Variants in PIK3C2A observed in about 807,000 individuals in gnomAD.
PIK3C2A encodes phosphatidylinositol 4-phosphate 3-kinase C2 domain-containing subunit alpha.
A neutral mutation model predicts 204.5 loss-of-function variants in PIK3C2A; 97 were observed. That is an observed-to-expected ratio of 0.47 (90% CI 0.40 to 0.56). PIK3C2A has a LOEUF of 0.56. PIK3C2A is among the 20% of genes least tolerant of loss of function. The pLI is 0.00. For missense variants in PIK3C2A, 1,735 were observed against 1,969.2 expected, an observed-to-expected ratio of 0.88 and a Z score of 2.25; for synonymous variants, 653 against 664.4, an observed-to-expected ratio of 0.98 and a Z score of 0.26.
intron 8 of PIK3C2A, among the ~76,000 whole-genome samples, chr11:17,144,652 T>C (rs1850169976): frequency 6.6e-6 from 1 of 152,084 alleles, no homozygotes; most frequent in Non-Finnish European, 1.5e-5. Flanking sequence ...CCTAGCACTT[T>C]AGATGGCCAA....
At chr11:17,096,521 CA>C (rs993230056) in intron 27 of PIK3C2A, among the ~76,000 whole-genome samples, 1 of 151,852 alleles carries the variant, frequency 6.6e-6, no homozygotes, top group South Asian at 2.1e-4. Flanking sequence ...AATAAACACA[CA>C]AAAAGATACT....
In PIK3C2A at chr11:17,097,215, T is replaced by G; in HGVS notation, c.4168A>C (p.Ile1390Leu). The G allele has an allele frequency of 6.2e-7, 1 of 1,613,912 alleles. No homozygotes were observed. Among genetic ancestry groups the G allele is most frequent in the Non-Finnish European group, 8.5e-7 (1 of 1,179,834 alleles). The change falls in exon 27 of 33, where the codon ATT (isoleucine) becomes CTT (leucine). Residue 1390 changes from isoleucine (I) to leucine (L), a missense_variant. By Grantham distance (5) the Ile-to-Leu change is conservative (BLOSUM62 2). Transcript: ENST00000691414. Reference protein sequence around the residue: ...GSIATKFNFFIHNLAQLRFSG... With the variant: ...GSIATKFNFFLHNLAQLRFSG... ...AAACGAAGCTGAGCAAGGTTGTGAA[T>G]GAAGAAGTTAAACTTTGTGGCAATG...
At chr11:17,135,053 A>T (rs1209385203) in intron 10 of PIK3C2A, 24 bp from the exon 11 acceptor site, 4 of 1,612,192 alleles carry the variant, frequency 2.5e-6, no homozygotes, top group Non-Finnish European at 3.4e-6. Context: ...AAAAAAAGTT[A>T]ATAGATTCTC....
At chr11:17,149,731 C>CA (rs1269985769) in intron 4 of PIK3C2A, among the ~76,000 whole-genome samples, 5 of 152,030 alleles carry the variant, frequency 3.3e-5, no homozygotes, top group East Asian at 3.9e-4. Flanking sequence ...ACAACAACAA[C>CA]AAAAAAACAC....
At chr11:17,129,007 C>A (rs1849608854) in intron 13 of PIK3C2A, among the ~76,000 whole-genome samples, 1 of 152,180 alleles carries the variant, frequency 6.6e-6, no homozygotes, top group South Asian at 2.1e-4. Context: ...GGTATTATGT[C>A]AACAATGTAG....
intron 3 of PIK3C2A, among the ~76,000 whole-genome samples, chr11:17,150,980 A>G (rs1466926250): frequency 1.3e-5 from 2 of 152,204 alleles, no homozygotes; most frequent in Non-Finnish European, 2.9e-5. Context: ...ACACAGTACA[A>G]TTACACAAAA....
chr11:17,086,690 ATATAAT>A lies in PIK3C2A; in HGVS notation c.*3042_*3047del, dbSNP rs1848173004. 6.6e-6 allele frequency: 1 copy of A among 152,178 alleles called. No individual in the cohort carries two copies. The highest frequency in any genetic ancestry group is 1.5e-5 in the Non-Finnish European group (1 of 68,054). The allele number at this position is 152,178 out of a possible 1,614,324, so 9.4% of individuals were successfully genotyped here. The stretch of plus-strand genomic sequence containing the variant: ...TTATACATCTTTATTCACTATCTTA[ATATAAT>A]TAAAGTATTTGGTTCTTATAGGTAA... On this transcript the variant is annotated 3_prime_UTR_variant, in exon 33 of 33. Transcript: ENST00000691414.
intron 1 of PIK3C2A, among the ~76,000 whole-genome samples, chr11:17,174,120 C>G (rs1291138744): frequency 6.6e-6 from 1 of 152,040 alleles, no homozygotes; most frequent in Non-Finnish European, 1.5e-5. Flanking sequence ...ACCACCTCAC[C>G]TGGCTGAACA....
intron 1 of PIK3C2A, among the ~76,000 whole-genome samples, chr11:17,201,202 T>C (rs891751896): frequency 6.8e-6 from 1 of 146,456 alleles, no homozygotes; most frequent in Non-Finnish European, 1.5e-5. Context: ...CGATATTCTA[T>C]CTAAAAAATA....
At chr11:17,156,053 A>C (rs1225430279) in intron 2 of PIK3C2A, among the ~76,000 whole-genome samples, 1 of 152,182 alleles carries the variant, frequency 6.6e-6, no homozygotes, top group African/African-American at 2.4e-5. Flanking sequence ...ATCCCAAGAA[A>C]GATGGTTTTT....
intron 1 of PIK3C2A, among the ~76,000 whole-genome samples, chr11:17,172,270 T>C (rs1055418621): frequency 2.0e-5 from 3 of 152,188 alleles, no homozygotes; most frequent in Non-Finnish European, 2.9e-5. Flanking sequence ...ACTGTGGGAA[T>C]AGGAGTTCCA....
intron 2 of PIK3C2A, among the ~76,000 whole-genome samples, chr11:17,164,210 G>A (rs897096764): frequency 2.0e-5 from 3 of 151,928 alleles, no homozygotes; most frequent in African/African-American, 7.3e-5. Flanking sequence ...AAATTAGCTG[G>A]GTGTGGTGGC....
At chr11:17,146,510 C>T (rs1565273412) in intron 6 of PIK3C2A, among the ~76,000 whole-genome samples, 1 of 151,222 alleles carries the variant, frequency 6.6e-6, no homozygotes, top group African/African-American at 2.4e-5. Context: ...GCCAGGAGTT[C>T]GAGACCAGCC....
chr11:17,091,254 G>T, intron 32 of PIK3C2A, 80 bp downstream of exon 32: 1 of 1,283,620 alleles, frequency 7.8e-7, no homozygotes, highest in Non-Finnish European at 1.1e-6. Context: ...TGCACATCCT[G>T]CTTACGCACG....
At chr11:17,096,246 C>T (rs190393286) in intron 27 of PIK3C2A, among the ~76,000 whole-genome samples, 1 of 143,992 alleles carries the variant, frequency 6.9e-6, no homozygotes, top group African/African-American at 2.6e-5. Context: ...ACCATGTTGG[C>T]CAGGCTGGTC....
At chr11:17,193,916 A>AGAAAC (rs1204288850) in intron 1 of PIK3C2A, 12 of 273,564 alleles carry the variant, frequency 4.4e-5, no homozygotes, top group African/African-American at 2.3e-4. Flanking sequence ...AGAAAAGAAA[A>AGAAAC]GAAACCCCGA....
intron 2 of PIK3C2A, among the ~76,000 whole-genome samples, chr11:17,166,652 G>A (rs986707889): frequency 2.6e-5 from 4 of 152,186 alleles, no homozygotes; most frequent in South Asian, 2.1e-4. Flanking sequence ...GAGCCTAAGC[G>A]CAGCTCCCTA....
intron 32 of PIK3C2A, among the ~76,000 whole-genome samples, 189 bp from the exon 33 acceptor site, chr11:17,090,109 T>C (rs1210029413): frequency 6.6e-6 from 1 of 152,248 alleles, no homozygotes; most frequent in Non-Finnish European, 1.5e-5. Flanking sequence ...AGTCTTGGAT[T>C]GTACTATCAT....
chr11:17,135,764 C>A (rs1162760170), intron 9 of PIK3C2A, among the ~76,000 whole-genome samples: 1 of 151,326 alleles, frequency 6.6e-6, no homozygotes, highest in East Asian at 1.9e-4. Context: ...AAAAAAGAAA[C>A]CCACATCTCT....
Sources: allele counts gnomAD v4.1 joint callset (sites outside exome capture counted in the v4.1 genomes callset), GRCh38; gene constraint gnomAD v4.1.1; transcripts MANE v1.5; gene names NCBI Gene and HGNC (gene_info 2026-07-23, HGNC 2026-07-21).